The following TBC1D14 variants were observed in gnomAD, a reference collection of about 807,000 sequenced individuals.
The protein encoded by TBC1D14 is TBC1 domain family member 14, also known as TBC1 domain family, member 14.
A neutral mutation model predicts 79.0 loss-of-function variants in TBC1D14; 26 were observed. The observed-to-expected ratio is 0.33, with a 90% CI of 0.24 to 0.46. TBC1D14 has a LOEUF of 0.46. Ranked by LOEUF, TBC1D14 falls within the 20% of genes least tolerant of loss-of-function variation. The pLI is 1.00. For missense variants in TBC1D14, 769 were observed against 887.6 expected, an observed-to-expected ratio of 0.87 and a Z score of 1.70; for synonymous variants, 394 against 349.9, an observed-to-expected ratio of 1.13 and a Z score of -1.40.
chr4:7,013,952 T>TGTTAGC (rs1197373309), intron 11 of TBC1D14, among the ~76,000 whole-genome samples: 21 of 152,170 alleles, frequency 1.4e-4, no homozygotes, highest in Non-Finnish European at 2.9e-5. Flanking sequence ...AGTTTCACCG[T>TGTTAGC]GTTAGCGAGG....
intron 2 of TBC1D14, among the ~76,000 whole-genome samples, chr4:6,956,418 C>G (rs1714642528): frequency 6.6e-6 from 1 of 152,220 alleles, no homozygotes; most frequent in Admixed American, 6.5e-5. Flanking sequence ...ACAAATCAAA[C>G]TGAAGAACAC....
At position 6,923,798 on chromosome 4, in the gene TBC1D14, T is replaced by C; in HGVS notation, c.409T>C (p.Ser137Pro). The change falls in exon 2 of 14, where the codon TCG becomes CCG. Residue 137 changes from serine to proline, a missense_variant. Transcript: ENST00000409757. Reference sequence around the variant, plus strand: ...CACGTTTCCCAGGACAGGCTATGACTCGGTAAAGCTCTATAGCCCGACCTC... The same window carrying C: ...CACGTTTCCCAGGACAGGCTATGACCCGGTAAAGCTCTATAGCCCGACCTC... ...SSTFPRTGYDSVKLYSPTSKA... is the reference protein window; with the variant it reads ...SSTFPRTGYDPVKLYSPTSKA... The C allele has an allele frequency of 6.2e-7, 1 of 1,614,062 alleles. No individual in the cohort carries two copies. The highest frequency in any genetic ancestry group is 8.5e-7 in the Non-Finnish European group (1 of 1,180,034).
chr4:6,972,428 G>A (rs116405779), intron 3 of TBC1D14, among the ~76,000 whole-genome samples: 3,548 of 152,184 alleles, frequency 0.023, 70 homozygotes, highest in Non-Finnish European at 0.033. Context: ...GCATTACCCC[G>A]GCTCCTTGAG....
intron 3 of TBC1D14, among the ~76,000 whole-genome samples, chr4:6,980,876 C>T (rs1393503402): frequency 9.2e-5 from 14 of 151,786 alleles, no homozygotes; most frequent in South Asian, 2.1e-4. Context: ...CCACCACGCC[C>T]GGCTAATTTT....
intron 2 of TBC1D14, among the ~76,000 whole-genome samples, chr4:6,936,411 A>G (rs1238195293): frequency 6.6e-6 from 1 of 152,206 alleles, no homozygotes; most frequent in African/African-American, 2.4e-5. Flanking sequence ...TCATTTTCAG[A>G]CTGGCTTCTT....
chr4:6,956,669 G>T (rs1437490485), intron 2 of TBC1D14, among the ~76,000 whole-genome samples: 3 of 152,248 alleles, frequency 2.0e-5, no homozygotes, highest in African/African-American at 7.2e-5. Context: ...GGCAAGGCTG[G>T]CATAGCCACT....
At chr4:6,924,145 T>A (rs779517227) in intron 2 of TBC1D14, 34 bp downstream of exon 2, 1 of 1,584,210 alleles carries the variant, frequency 6.3e-7, no homozygotes, top group African/African-American at 1.3e-5. Flanking sequence ...AAGATCGTGG[T>A]GGTTGAGTCC....
chr4:7,026,921 AAAAC>A (rs1007790848), intron 13 of TBC1D14, among the ~76,000 whole-genome samples: 5 of 151,910 alleles, frequency 3.3e-5, no homozygotes, highest in African/African-American at 1.2e-4. Flanking sequence ...ACAAACAAAA[AAAAC>A]AGGTTGGCCA....
At position 6,999,145 on chromosome 4, in the gene TBC1D14, G is replaced by T. The variant is rs1390098703; in HGVS notation, c.1106G>T (p.Ser369Ile). ...QLEERCRVEE[S>I]IGNAVLTWNN... The stretch of plus-strand genomic sequence containing the variant: ...GAAGAAAGATGCAGAGTCGAGGAAA[G>T]CATTGGAAACGCTGTGCTCACCTGG... Residue 369 changes from serine to isoleucine, a missense_variant, in exon 6 of 14, where the codon AGC becomes ATC. By Grantham distance (142) the Ser-to-Ile change is moderately radical. This residue lies in a region of TBC1D14 where 367 missense variants were observed against 494.4 expected (regional missense o/e 0.74). Coordinates refer to ENST00000409757, the MANE Select transcript of TBC1D14 (RefSeq NM_020773.3). 9 of 1,614,086 alleles carry T rather than the reference G, an allele frequency of 5.6e-6. No homozygotes were observed. The highest frequency in any genetic ancestry group is 7.6e-6 in the Non-Finnish European group (9 of 1,180,042).
At chr4:6,993,172 C>G (rs1410254691) in intron 3 of TBC1D14, among the ~76,000 whole-genome samples, 1 of 152,226 alleles carries the variant, frequency 6.6e-6, no homozygotes, top group South Asian at 2.1e-4. Context: ...ACACTACCTT[C>G]TTTGTCCTAT....
chr4:6,995,997 C>T (rs543615224), intron 4 of TBC1D14, among the ~76,000 whole-genome samples: 8 of 151,574 alleles, frequency 5.3e-5, no homozygotes, highest in African/African-American at 1.5e-4. Flanking sequence ...CCACCATGCC[C>T]GGCTAATTTT....
At chr4:6,946,957 T>C (rs1338750476) in intron 2 of TBC1D14, among the ~76,000 whole-genome samples, 1 of 152,224 alleles carries the variant, frequency 6.6e-6, no homozygotes, top group East Asian at 1.9e-4. Flanking sequence ...TCCTCTCCTC[T>C]TTTCCTTACT....
rs1333491143 is a variant in TBC1D14, at chr4:7,009,869, C to A, written c.1447-8C>A. 1.2e-6 allele frequency: 2 copies of A among 1,614,024 alleles called. No individual in the cohort carries two copies. On this transcript the variant is annotated splice_region_variant and splice_polypyrimidine_tract_variant and intron_variant, in intron 9 of 13. Coordinates refer to ENST00000409757, the MANE Select transcript of TBC1D14 (RefSeq NM_020773.3). ...CATGTGTTGTTTTTGCTGTGTTGAT[C>A]CTTTTAGGGTGGTCCATATCATGAC...
intron 2 of TBC1D14, among the ~76,000 whole-genome samples, chr4:6,927,165 A>C (rs1724356427): frequency 6.6e-6 from 1 of 152,112 alleles, no homozygotes. Context: ...TGTAATGAGC[A>C]CTTCTGTCCC....
In TBC1D14 at chr4:6,984,824, T is replaced by C. The variant is rs527944360; in HGVS notation, c.844-9360T>C. 3.1e-4 allele frequency among the ~76,000 whole-genome samples: 47 copies of C among 152,292 alleles called. 1 individual carries two copies. In the South Asian group the frequency reaches 8.5e-3, roughly 28 times the overall value. ...CATAACTTGAAGCTGTAGTAGCCTG[T>C]GATTGTAAGGAGGGGACTGTCTGTG... On this transcript the variant is annotated intron_variant, in intron 3 of 13. Transcript: ENST00000409757.
At chr4:7,007,854 C>T (rs1421599219) in intron 9 of TBC1D14, among the ~76,000 whole-genome samples, 1 of 152,226 alleles carries the variant, frequency 6.6e-6, no homozygotes, top group Admixed American at 6.5e-5. Flanking sequence ...ACTTTCTTCC[C>T]CCAGCCCAAA....
chr4:6,980,268 C>T (rs527296806), intron 3 of TBC1D14, among the ~76,000 whole-genome samples: 2 of 152,296 alleles, frequency 1.3e-5, no homozygotes, highest in Non-Finnish European at 2.9e-5. Flanking sequence ...CCCAAACTTG[C>T]ACATTAAACA....
At chr4:7,021,596 TAACAA>T (rs1242200530) in intron 12 of TBC1D14, among the ~76,000 whole-genome samples, 9 of 152,026 alleles carry the variant, frequency 5.9e-5, no homozygotes, top group African/African-American at 2.2e-4. Flanking sequence ...GACCCTGTCT[TAACAA>T]AAAGAAAAGA....
chr4:6,977,466 C>T (rs1292421284), intron 3 of TBC1D14, among the ~76,000 whole-genome samples: 1 of 144,318 alleles, frequency 6.9e-6, no homozygotes, highest in Non-Finnish European at 1.5e-5. Flanking sequence ...GATCTCGGCT[C>T]GCTACAACCT....
Sources: allele counts gnomAD v4.1 joint callset (sites outside exome capture counted in the v4.1 genomes callset), GRCh38; gene constraint gnomAD v4.1.1; regional missense constraint gnomAD v4.1.1; transcripts MANE v1.5; gene names NCBI Gene and HGNC (gene_info 2026-07-23, HGNC 2026-07-21).